WEE2: variants seen among roughly 807,000 people sequenced by gnomAD.
WEE2 encodes the protein wee1-like protein kinase 2.
Under a neutral mutation model 60.1 loss-of-function variants are expected in WEE2, and 50 were observed. The observed-to-expected ratio is 0.83, with a 90% CI of 0.66 to 1.05. WEE2 has a LOEUF of 1.05. Ranked by LOEUF, WEE2 falls within the 50% of genes least tolerant of loss-of-function variation. The probability of loss-of-function intolerance (pLI) is 0.00; values close to 1 mark genes in which losing one functional copy is unlikely to be tolerated. For missense variants in WEE2, 631 were observed against 684.3 expected, an observed-to-expected ratio of 0.92 and a Z score of 0.87; for synonymous variants, 240 against 241.0, an observed-to-expected ratio of 1.00 and a Z score of 0.04.
chr7:141,723,417 TA>T (rs1182468619), intron 6 of WEE2, 137 bp downstream of exon 6: 14 of 997,164 alleles, frequency 1.4e-5, no homozygotes, highest in South Asian at 3.5e-5. Context: ...TTGTGTTCCT[TA>T]AAAAAAATCA....
At chr7:141,726,374 G>C (rs529156923) in intron 9 of WEE2, among the ~76,000 whole-genome samples, 207 of 152,158 alleles carry the variant, frequency 1.4e-3, no homozygotes, top group Middle Eastern at 3.4e-3. Flanking sequence ...TTGAACTCCT[G>C]GGCTCGAGCA....
intron 4 of WEE2, among the ~76,000 whole-genome samples, chr7:141,719,912 C>T (rs1798876295): frequency 3.9e-5 from 6 of 152,114 alleles, no homozygotes. Context: ...TATAAAGTCA[C>T]TGGTTTATCT....
At chr7:141,725,767 A>G (rs1799006397) in intron 9 of WEE2, among the ~76,000 whole-genome samples, 1 of 152,196 alleles carries the variant, frequency 6.6e-6, no homozygotes, top group African/African-American at 2.4e-5. Context: ...CCTTCTAACA[A>G]CCCTATAAGG....
chr7:141,711,309 TG>T lies in WEE2; in HGVS notation c.342+2211del, dbSNP rs1798707668. ...CTGAGTGCCAGAGTAAGGAGAGAAGTGGCCCAGTTAGAAATCTTGGATAATG... is the reference window on the plus strand; with the variant it reads ...CTGAGTGCCAGAGTAAGGAGAGAAGTGCCCAGTTAGAAATCTTGGATAATG... On this transcript the variant is annotated intron_variant, in intron 1 of 11. Transcript: ENST00000397541. This position sits in a 1 kb window ranked among gnomAD's most constrained non-coding sequence, Gnocchi z 4.2. Among the ~76,000 whole-genome samples, 1 of 152,098 alleles carries T rather than the reference TG, an allele frequency of 6.6e-6. No homozygotes were observed. Among genetic ancestry groups the T allele is most frequent in the African/African-American group, 2.4e-5 (1 of 41,410 alleles).
chr7:141,714,352 C>T lies in WEE2; in HGVS notation c.486C>T (p.Ser162=), dbSNP rs1363958457. The T allele has an allele frequency of 6.2e-7, 1 of 1,612,396 alleles. No individual in the cohort carries two copies. Among genetic ancestry groups the T allele is most frequent in the Admixed American group, 1.7e-5 (1 of 59,724 alleles). Residue 162 remains serine (S), a synonymous_variant, in exon 2 of 12, where the codon TCC becomes TCT. Coordinates refer to ENST00000397541, the MANE Select transcript of WEE2 (RefSeq NM_001105558.1). ...LVNINPFTPE[S]YKKLFLQSGG... ...ATATTAATCCCTTCACTCCAGAGTC[C>T]TATAAAAAATTATTTCTTCAATCTG...
At chr7:141,712,581 G>A (rs550781719) in intron 1 of WEE2, among the ~76,000 whole-genome samples, 2 of 152,190 alleles carry the variant, frequency 1.3e-5, no homozygotes, top group Non-Finnish European at 2.9e-5. Context: ...CAGCAATAAC[G>A]ACTATATTAA....
chr7:141,720,141 C>CTTTT (rs571238574), intron 4 of WEE2, among the ~76,000 whole-genome samples: 1,661 of 64,182 alleles, frequency 0.026, 188 homozygotes, highest in East Asian at 0.05. Flanking sequence ...TAGAATTCCT[C>CTTTT]TTTTTTTTTT....
chr7:141,724,315 G>T (rs763577677), intron 8 of WEE2, 40 bp downstream of exon 8: 3 of 1,549,238 alleles, frequency 1.9e-6, no homozygotes, highest in African/African-American at 1.4e-5. Flanking sequence ...ATAATCTGTT[G>T]AACCTTTGAC....
Position 141,723,946 on chromosome 7 carries a change from A to G in WEE2, c.1033A>G (p.Ile345Val), listed in dbSNP as rs543032135. ...MVHLDIKPSN[I>V]FICHKMQSES... ...TCCTGTCATTTTTTTTTCAGGTAAT[A>G]TATTCATTTGTCACAAGATGCAAAG... Residue 345 changes from isoleucine to valine, a missense_variant, in exon 7 of 12, where the codon ATA (isoleucine) becomes GTA (valine). By Grantham distance (29) the Ile-to-Val change is conservative (BLOSUM62 3). Coordinates refer to ENST00000397541, the MANE Select transcript of WEE2 (RefSeq NM_001105558.1). The G allele has an allele frequency of 2.3e-5, 37 of 1,599,362 alleles. No homozygotes were observed. The highest frequency in any genetic ancestry group is 3.0e-5 in the Non-Finnish European group (35 of 1,172,196).
chr7:141,725,230 A>G, intron 9 of WEE2, 34 bp downstream of exon 9: 2 of 1,591,606 alleles, frequency 1.3e-6, no homozygotes, highest in Non-Finnish European at 1.7e-6. Flanking sequence ...AGAAGATGCA[A>G]TATCTATTTT....
intron 5 of WEE2, among the ~76,000 whole-genome samples, chr7:141,721,397 A>C (rs967026799): frequency 1.3e-5 from 2 of 152,162 alleles, no homozygotes; most frequent in Non-Finnish European, 2.9e-5. Context: ...TGGTGGCTGC[A>C]GCCCTCCTCC....
chr7:141,720,745 C>T, intron 4 of WEE2, 190 bp from the exon 5 acceptor site: 1 of 680,206 alleles, frequency 1.5e-6, no homozygotes, highest in South Asian at 2.4e-5. Flanking sequence ...TTACTTTCAA[C>T]AGCCTTCATT....
intron 3 of WEE2, among the ~76,000 whole-genome samples, chr7:141,716,698 A>G (rs1440872545): frequency 2.0e-5 from 3 of 152,148 alleles, no homozygotes; most frequent in Non-Finnish European, 4.4e-5. Context: ...TTAAAATTAC[A>G]TATTTCTGCT....
At chr7:141,710,274 G>T (rs1798690203) in intron 1 of WEE2, among the ~76,000 whole-genome samples, 1 of 152,154 alleles carries the variant, frequency 6.6e-6, no homozygotes, top group African/African-American at 2.4e-5. Flanking sequence ...AGAACCCGCT[G>T]GACAGATTCT....
rs1357391366 is a variant in WEE2 at position 141,727,365 on chromosome 7, T to C, written c.1454T>C (p.Val485Ala). Residue 485 changes from valine to alanine, a missense_variant, in exon 10 of 12, where the codon GTT (valine) becomes GCT (alanine). Val to Ala is a moderately conservative substitution (Grantham distance 64). Coordinates refer to ENST00000397541, the MANE Select transcript of WEE2 (RefSeq NM_001105558.1). Reference protein sequence around the residue: ...PSAAALARNTVLRPSLGKTEE... With the variant: ...PSAAALARNTALRPSLGKTEE... ...GCAGCAGCTCTGGCCAGAAATACAG[T>C]TCTCCGGCCTTCCCTGGGAAAAACA... 6.2e-7 allele frequency: 1 copy of C among 1,614,130 alleles called. No homozygotes were observed.
intron 5 of WEE2, among the ~76,000 whole-genome samples, chr7:141,722,136 T>C (rs1287530030): frequency 6.6e-6 from 1 of 152,134 alleles, no homozygotes; most frequent in Admixed American, 6.5e-5. Context: ...CCGGGCGCAA[T>C]GGCTCATGCC....
At chr7:141,727,222 C>A in intron 9 of WEE2, 82 bp from the exon 10 acceptor site, 1 of 1,450,858 alleles carries the variant, frequency 6.9e-7, no homozygotes, top group South Asian at 1.3e-5. Context: ...CCAGGAGAAG[C>A]TGGGTTGGAG....
chr7:141,716,002 G>A lies in WEE2; in HGVS notation c.540-220G>A, dbSNP rs185588468. On this transcript the variant is annotated intron_variant, in intron 2 of 11. Coordinates refer to ENST00000397541, the MANE Select transcript of WEE2 (RefSeq NM_001105558.1). ...CTTATATATTCTCTCTTCTGGGAAA[G>A]CTTTTCACTCTTGAAATAATTGAGT... Among the ~76,000 whole-genome samples the A allele has an allele frequency of 6.1e-4, 93 of 152,220 alleles. 2 individuals are homozygous for A. The East Asian group carries it at 0.017, about 28-fold the overall frequency.
At chr7:141,719,374 T>A in intron 4 of WEE2, 130 bp downstream of exon 4, 1 of 845,710 alleles carries the variant, frequency 1.2e-6, no homozygotes, top group Non-Finnish European at 1.8e-6. Flanking sequence ...CCACATTATA[T>A]GTTATCTCAT....
Sources: gnomAD v4.1 joint callset for allele counts (sites outside exome capture counted in the v4.1 genomes callset) on GRCh38, gnomAD v4.1.1 for gene constraint, Gnocchi (gnomAD v3.1) non-coding constraint, MANE v1.5 for transcripts, NCBI Gene and HGNC (gene_info 2026-07-23, HGNC 2026-07-21) for gene names.